Variants in KATNB1 observed in about 807,000 individuals in gnomAD.
The protein encoded by KATNB1 is katanin regulatory subunit B1, also known as katanin p80 WD40 repeat-containing subunit B1.
KATNB1 carries 38 observed loss-of-function variants against 82.3 expected under a neutral mutation model. That is an observed-to-expected ratio of 0.46 (90% confidence interval 0.36 to 0.61). The LOEUF (loss-of-function observed/expected upper bound fraction) is 0.61, where lower values mean the gene tolerates loss of function less well. Among genes scored for constraint, KATNB1 ranks in the 20% least tolerant of loss-of-function variants. The pLI is 0.00. For synonymous variants in KATNB1, 361 were observed against 368.7 expected (o/e 0.98, Z 0.24); for missense variants, 749 against 915.7 (o/e 0.82, Z 2.35).
At chr16:57,746,816 T>C (rs1555581544) in intron 4 of KATNB1, among the ~76,000 whole-genome samples, 3 of 152,202 alleles carry the variant, frequency 2.0e-5, no homozygotes, top group African/African-American at 7.2e-5. Context: ...TCATTCAACA[T>C]TTGTTTTAGA....
In KATNB1 at chr16:57,737,173, T is replaced by A. The variant is rs558188216; in HGVS notation, c.-71T>A. On this transcript the variant is annotated 5_prime_UTR_variant, in exon 2 of 20. Transcript: ENST00000379661. ...CTTGATTGGTGGATCTGGGGGGGGA[T>A]CCACCCCCACCCCACGAGGAAAGCA... 1 of 1,560,120 alleles carries A rather than the reference T, an allele frequency of 6.4e-7. No homozygotes were observed. Among genetic ancestry groups the A allele is most frequent in the Non-Finnish European group, 8.8e-7 (1 of 1,134,744 alleles).
At chr16:57,739,327 G>A (rs1008761819) in intron 2 of KATNB1, among the ~76,000 whole-genome samples, 3 of 152,290 alleles carry the variant, frequency 2.0e-5, no homozygotes, top group Middle Eastern at 6.8e-3. Flanking sequence ...CCAGGGTCTG[G>A]TGAGGATCAG....
chr16:57,754,047 CATCTT>C, intron 13 of KATNB1, 52 bp downstream of exon 13: 2 of 1,470,644 alleles, frequency 1.4e-6, no homozygotes, highest in East Asian at 4.6e-5. Flanking sequence ...CCCCGTCCCT[CATCTT>C]CTCTTCCTGT....
chr16:57,736,835 C>A (rs1323829823), intron 1 of KATNB1, 143 bp from the exon 2 acceptor site: 1 of 409,356 alleles, frequency 2.4e-6, no homozygotes, highest in Non-Finnish European at 4.8e-6. Flanking sequence ...TCTGCAGATT[C>A]CCAAACCTAA....
chr16:57,741,039 A>G (rs1037335441), intron 2 of KATNB1, among the ~76,000 whole-genome samples: 6 of 152,226 alleles, frequency 3.9e-5, no homozygotes, highest in Non-Finnish European at 8.8e-5. Context: ...CTCAGAGGAC[A>G]AGTGACCTAG....
chr16:57,752,844 C>T lies in KATNB1; in HGVS notation c.771C>T (p.Tyr257=), dbSNP rs1450276148. 5 of 1,610,666 alleles carry T rather than the reference C, an allele frequency of 3.1e-6. No homozygotes were observed. Among genetic ancestry groups the T allele is most frequent in the East Asian group, 4.5e-5 (2 of 44,874 alleles). Residue 257 remains tyrosine (Y), a synonymous_variant, in exon 10 of 20, where the codon TAC becomes TAT. Coordinates refer to ENST00000379661, the MANE Select transcript of KATNB1 (RefSeq NM_005886.3). The part of the protein sequence containing the change: ...YSGCQDSLRV[Y]GWEPERCFDV... ...GCTGCCAGGACTCACTGCGTGTCTA[C>T]GGCTGGGAACCTGAGCGGTGCTTTG...
intron 2 of KATNB1, among the ~76,000 whole-genome samples, chr16:57,738,776 C>T (rs1455209268): frequency 6.6e-6 from 1 of 152,198 alleles, no homozygotes; most frequent in Non-Finnish European, 1.5e-5. Context: ...TTCATCCCTT[C>T]GACAGCTGGC....
At position 57,752,587 on chromosome 16, in the gene KATNB1, G is replaced by T. The variant is rs782272080; in HGVS notation, c.690G>T (p.Glu230Asp). The change falls in exon 9 of 20, where the codon GAG becomes GAT. Residue 230 changes from glutamate (E) to aspartate (D), a missense_variant. Coordinates refer to ENST00000379661, the MANE Select transcript of KATNB1 (RefSeq NM_005886.3). ...AGGTGGTGAGCTGCATCGAAGGGGAGCCTGGGCCCGTCAGGTACGCAGGCT... is the reference window on the plus strand; with the variant it reads ...AGGTGGTGAGCTGCATCGAAGGGGATCCTGGGCCCGTCAGGTACGCAGGCT... Reference protein sequence around the residue: ...KFQVVSCIEGEPGPVRSVLFN... With the variant: ...KFQVVSCIEGDPGPVRSVLFN... 2.6e-6 allele frequency: 4 copies of T among 1,567,796 alleles called. No homozygotes were observed. Among genetic ancestry groups the T allele is most frequent in the Non-Finnish European group, 3.5e-6 (4 of 1,156,308 alleles).
intron 2 of KATNB1, among the ~76,000 whole-genome samples, chr16:57,741,376 A>G (rs781987301): frequency 6.6e-6 from 1 of 152,272 alleles, no homozygotes; most frequent in Non-Finnish European, 1.5e-5. Context: ...TAGCAAGTCA[A>G]TTTTAAAAAT....
At chr16:57,754,813 C>A (rs960229645) in intron 13 of KATNB1, 117 bp from the exon 14 acceptor site, 30 of 1,063,050 alleles carry the variant, frequency 2.8e-5, no homozygotes, top group Middle Eastern at 2.9e-4. Flanking sequence ...TGCAGCCTCC[C>A]CCATGCTCCT....
At chr16:57,748,472 A>ATTTT (rs782768160) in intron 4 of KATNB1, among the ~76,000 whole-genome samples, 3,588 of 141,122 alleles carry the variant, frequency 0.025, 58 homozygotes, top group Non-Finnish European at 0.04. Context: ...TTTTTTTAAA[A>ATTTT]AAAAAAAAAA....
Position 57,751,209 on chromosome 16 carries a change from C to A in KATNB1, c.391-52C>A. 1.9e-6 allele frequency: 3 copies of A among 1,562,476 alleles called. No individual in the cohort carries two copies. Among genetic ancestry groups the A allele is most frequent in the South Asian group, 2.2e-5 (2 of 89,940 alleles). On this transcript the variant is annotated intron_variant, in intron 5 of 19. Transcript: ENST00000379661. This position sits in a 1 kb window ranked among gnomAD's most constrained non-coding sequence, Gnocchi z 6.3. ...TCACGACTGCACACCTTCCTCCAGTCGTGGCTCTGACCTCTCCTGACTCTG... is the reference window on the plus strand; with the variant it reads ...TCACGACTGCACACCTTCCTCCAGTAGTGGCTCTGACCTCTCCTGACTCTG...
At chr16:57,737,418 A>G in intron 2 of KATNB1, 135 bp downstream of exon 2, 1 of 954,984 alleles carries the variant, frequency 1.0e-6, no homozygotes, top group Non-Finnish European at 1.6e-6. Flanking sequence ...AAGATAGACC[A>G]TTATGTAAAT....
In KATNB1 at chr16:57,756,913, C is replaced by A; in HGVS notation, c.1935C>A (p.Arg645=). The change falls in exon 20 of 20, where the codon CGC becomes CGA. Residue 645 remains arginine (R), a synonymous_variant. Coordinates refer to ENST00000379661, the MANE Select transcript of KATNB1 (RefSeq NM_005886.3). ...GLSGRHGSTF[R]ELHLLMASLD ...GCGGCCGCCATGGCAGTACCTTCCG[C>A]GAGCTGCACCTGCTCATGGCCAGTC... 1 of 1,550,078 alleles carries A rather than the reference C, an allele frequency of 6.5e-7. No individual in the cohort carries two copies. Among genetic ancestry groups the A allele is most frequent in the Non-Finnish European group, 8.7e-7 (1 of 1,146,308 alleles).
chr16:57,749,014 G>A (rs896977934), intron 4 of KATNB1, among the ~76,000 whole-genome samples: 7 of 152,252 alleles, frequency 4.6e-5, no homozygotes, highest in South Asian at 2.1e-4. Context: ...AGGAGTGACA[G>A]CTGCAGAGAT....
chr16:57,741,938 G>A (rs914858142), intron 3 of KATNB1, 121 bp downstream of exon 3: 32 of 1,193,732 alleles, frequency 2.7e-5, no homozygotes, highest in Admixed American at 6.1e-5. Flanking sequence ...CCCCCTATCC[G>A]CTGGGGCCCA....
Position 57,751,201 on chromosome 16 carries a change from C to A in KATNB1, c.391-60C>A. On this transcript the variant is annotated intron_variant, in intron 5 of 19. Coordinates refer to ENST00000379661, the MANE Select transcript of KATNB1 (RefSeq NM_005886.3). This position sits in a 1 kb window ranked among gnomAD's most constrained non-coding sequence, Gnocchi z 6.3. The stretch of plus-strand genomic sequence containing the variant: ...CCGTCTGCTCACGACTGCACACCTT[C>A]CTCCAGTCGTGGCTCTGACCTCTCC... 1 of 1,510,346 alleles carries A rather than the reference C, an allele frequency of 6.6e-7. No individual in the cohort carries two copies. Among genetic ancestry groups the A allele is most frequent in the South Asian group, 1.1e-5 (1 of 88,898 alleles). The allele number at this position is 1,510,346 out of a possible 1,614,324, so 93.6% of individuals were successfully genotyped here.
At chr16:57,752,124 C>A in intron 8 of KATNB1, 69 bp downstream of exon 8, 1 of 982,062 alleles carries the variant, frequency 1.0e-6, no homozygotes, top group Non-Finnish European at 1.6e-6. Flanking sequence ...CTGTGCGTGT[C>A]TCTACTGCCG....
chr16:57,739,901 C>T (rs1201535431), intron 2 of KATNB1, among the ~76,000 whole-genome samples: 1 of 152,104 alleles, frequency 6.6e-6, no homozygotes, highest in Non-Finnish European at 1.5e-5. Context: ...AGTCCTGAGG[C>T]CCAGTGAGGT....
Sources: gnomAD v4.1 joint callset for allele counts (sites outside exome capture counted in the v4.1 genomes callset) on GRCh38, gnomAD v4.1.1 for gene constraint, Gnocchi (gnomAD v3.1) non-coding constraint, MANE v1.5 for transcripts, NCBI Gene and HGNC (gene_info 2026-07-23, HGNC 2026-07-21) for gene names.